Variants in ST6GALNAC3 observed in about 807,000 individuals in gnomAD.
ST6GALNAC3 encodes the protein ST6 N-acetylgalactosaminide alpha-2,6-sialyltransferase 3.
A neutral mutation model predicts 32.7 loss-of-function variants in ST6GALNAC3; 25 were observed. That is an observed-to-expected ratio of 0.76 (90% CI 0.56 to 1.07). The LOEUF is 1.07. Among genes scored for constraint, ST6GALNAC3 ranks in the 50% least tolerant of loss-of-function variants. The probability of loss-of-function intolerance (pLI) is 0.00; values close to 1 mark genes in which losing one functional copy is unlikely to be tolerated. For missense variants in ST6GALNAC3, 355 were observed against 382.4 expected (o/e 0.93, Z 0.60); for synonymous variants, 129 against 133.1 (o/e 0.97, Z 0.21).
intron 1 of ST6GALNAC3, among the ~76,000 whole-genome samples, chr1:76,223,708 T>C (rs1655908004): frequency 6.6e-6 from 1 of 152,220 alleles, no homozygotes; most frequent in Non-Finnish European, 1.5e-5. Context: ...CAACTTTCTA[T>C]CTTTATTGCA....
At chr1:76,310,822 A>G (rs1011757800) in intron 1 of ST6GALNAC3, among the ~76,000 whole-genome samples, 6 of 152,186 alleles carry the variant, frequency 3.9e-5, no homozygotes, top group Admixed American at 1.3e-4. Context: ...TTTACCCTGC[A>G]CTTCATGGCT....
intron 1 of ST6GALNAC3, among the ~76,000 whole-genome samples, chr1:76,142,317 G>A (rs1650379748): frequency 6.6e-6 from 1 of 152,180 alleles, no homozygotes. Flanking sequence ...ACATGACAGA[G>A]TAGATGTGGC....
intron 1 of ST6GALNAC3, among the ~76,000 whole-genome samples, chr1:76,246,384 T>G (rs996861405): frequency 2.6e-5 from 4 of 152,230 alleles, no homozygotes; most frequent in African/African-American, 9.6e-5. Context: ...CTGTGTCTTT[T>G]AACTGGGGCA....
At chr1:76,092,383 T>C (rs1421007978) in intron 1 of ST6GALNAC3, among the ~76,000 whole-genome samples, 1 of 152,248 alleles carries the variant, frequency 6.6e-6, no homozygotes, top group Non-Finnish European at 1.5e-5. Flanking sequence ...TAATTGACTA[T>C]GAATGCCTTA....
chr1:76,300,692 A>G (rs1336418756), intron 1 of ST6GALNAC3, among the ~76,000 whole-genome samples: 4 of 152,026 alleles, frequency 2.6e-5, no homozygotes, highest in Non-Finnish European at 5.9e-5. Context: ...AAATAGTGCT[A>G]TGATTGATTA....
At chr1:76,180,396 A>G (rs1353649470) in intron 1 of ST6GALNAC3, among the ~76,000 whole-genome samples, 1 of 152,198 alleles carries the variant, frequency 6.6e-6, no homozygotes, top group African/African-American at 2.4e-5. Context: ...ATATGTTATT[A>G]TTATTGCTGT....
chr1:76,422,726 C>T (rs1364845867), intron 3 of ST6GALNAC3, among the ~76,000 whole-genome samples: 1 of 151,982 alleles, frequency 6.6e-6, no homozygotes, highest in African/African-American at 2.4e-5. Context: ...TCAAGAACTA[C>T]CGTGATAAAG....
chr1:76,228,246 G>A (rs532694082), intron 1 of ST6GALNAC3, among the ~76,000 whole-genome samples: 4 of 152,276 alleles, frequency 2.6e-5, no homozygotes, highest in South Asian at 4.1e-4. Context: ...GCAAAGTCCT[G>A]TGGTTTCAGT....
intron 3 of ST6GALNAC3, among the ~76,000 whole-genome samples, chr1:76,584,819 C>G (rs1011874786): frequency 2.6e-5 from 4 of 152,176 alleles, no homozygotes; most frequent in African/African-American, 4.8e-5. Context: ...GCCAATTGAC[C>G]TATTTTGTCC....
At chr1:76,540,954 A>G (rs1305881873) in intron 3 of ST6GALNAC3, among the ~76,000 whole-genome samples, 2 of 152,212 alleles carry the variant, frequency 1.3e-5, no homozygotes, top group Non-Finnish European at 2.9e-5. Flanking sequence ...GTGTGATGAT[A>G]GATACATGCC....
intron 1 of ST6GALNAC3, among the ~76,000 whole-genome samples, chr1:76,186,680 G>A (rs974814051): frequency 6.6e-6 from 1 of 152,116 alleles, no homozygotes; most frequent in Non-Finnish European, 1.5e-5. Flanking sequence ...GCCTGGTGGT[G>A]CCTATTTATA....
At position 76,509,543 on chromosome 1, in the gene ST6GALNAC3, T is replaced by C. The variant is rs1441377541; in HGVS notation, c.623+97126T>C. On this transcript the variant is annotated intron_variant, in intron 3 of 4. Transcript: ENST00000328299. The surrounding 1 kb of genome is among the most constrained non-coding windows in gnomAD (Gnocchi z 5.5). The stretch of plus-strand genomic sequence containing the variant: ...TGGAAATGATTTATACCAACGAGAT[T>C]TGAGTTAGGGGAATGTGTTAGTTTT... Among the ~76,000 whole-genome samples, 1 of 152,170 alleles carries C rather than the reference T, an allele frequency of 6.6e-6. No individual in the cohort carries two copies. Among genetic ancestry groups the C allele is most frequent in the Non-Finnish European group, 1.5e-5 (1 of 68,026 alleles).
Position 76,634,013 on chromosome 1 carries a change from CAG to C in ST6GALNAC3, c.*5208_*5209del. ...TCAGAACTGTCCTTGGGCGTTGTAA[CAG>C]TGCAGAAAATCTCATTTAGTTTTTT... On this transcript the variant is annotated 3_prime_UTR_variant, in exon 5 of 5. Coordinates refer to ENST00000328299, the MANE Select transcript of ST6GALNAC3 (RefSeq NM_152996.4). 3.9e-6 allele frequency: 1 copy of C among 253,364 alleles called. No homozygotes were observed. The highest frequency in any genetic ancestry group is 6.2e-6 in the Non-Finnish European group (1 of 161,126). The allele number at this position is 253,364 out of a possible 1,614,324, so 15.7% of individuals were successfully genotyped here.
At chr1:76,174,461 T>G (rs751701868) in intron 1 of ST6GALNAC3, among the ~76,000 whole-genome samples, 3 of 151,924 alleles carry the variant, frequency 2.0e-5, no homozygotes, top group Non-Finnish European at 4.4e-5. Context: ...ATAAAAAAAT[T>G]TCAGTGTTAA....
chr1:76,486,939 A>G (rs926700552), intron 3 of ST6GALNAC3, among the ~76,000 whole-genome samples: 11 of 152,070 alleles, frequency 7.2e-5, no homozygotes, highest in East Asian at 1.9e-4. Context: ...AAAATCTCTC[A>G]GCATTTGCTT....
At chr1:76,558,903 A>G (rs1440169463) in intron 3 of ST6GALNAC3, among the ~76,000 whole-genome samples, 1 of 152,158 alleles carries the variant, frequency 6.6e-6, no homozygotes, top group Non-Finnish European at 1.5e-5. Context: ...TATATTTTCA[A>G]CTTCCTATAA....
chr1:76,460,629 T>C (rs1211614711), intron 3 of ST6GALNAC3, among the ~76,000 whole-genome samples: 1 of 152,214 alleles, frequency 6.6e-6, no homozygotes, highest in Non-Finnish European at 1.5e-5. Context: ...AGTCAGGATT[T>C]GCCATCAAAG....
intron 1 of ST6GALNAC3, among the ~76,000 whole-genome samples, chr1:76,104,241 T>C (rs1181393715): frequency 1.3e-5 from 2 of 152,240 alleles, no homozygotes; most frequent in Admixed American, 6.5e-5. Flanking sequence ...TTTACAGATA[T>C]AATTTGAGGT....
intron 3 of ST6GALNAC3, among the ~76,000 whole-genome samples, chr1:76,436,091 C>CT (rs937604077): frequency 3.9e-5 from 6 of 152,000 alleles, no homozygotes; most frequent in Admixed American, 3.9e-4. Flanking sequence ...GCCAAAATCA[C>CT]TTTTTTTCAT....
Sources: gnomAD v4.1 joint callset for allele counts (sites outside exome capture counted in the v4.1 genomes callset) on GRCh38, gnomAD v4.1.1 for gene constraint, Gnocchi (gnomAD v3.1) non-coding constraint, MANE v1.5 for transcripts, NCBI Gene and HGNC (gene_info 2026-07-23, HGNC 2026-07-21) for gene names.